The following KCNQ1 variants were observed in gnomAD, a reference collection of about 807,000 sequenced individuals.
KCNQ1 encodes the protein potassium voltage-gated channel subfamily KQT member 1.
KCNQ1 carries 49 observed loss-of-function variants against 72.4 expected under a neutral mutation model. That is an observed-to-expected ratio of 0.68 (90% CI 0.54 to 0.86). KCNQ1 has a LOEUF of 0.86. Ranked by LOEUF, KCNQ1 falls within the 40% of genes least tolerant of loss-of-function variation. KCNQ1 has a pLI of 0.00. For missense variants in KCNQ1, 790 were observed against 945.1 expected (o/e 0.84, Z 2.15); for synonymous variants, 450 against 412.6 (o/e 1.09, Z -1.10).
intron 12 of KCNQ1, among the ~76,000 whole-genome samples, chr11:2,774,301 C>T (rs1314946444): frequency 1.3e-5 from 2 of 152,232 alleles, no homozygotes; most frequent in East Asian, 3.8e-4. Context: ...CTGCCTCTAT[C>T]ACAGTTCTTG....
Position 2,463,388 on chromosome 11 carries a change from G to T in KCNQ1, c.386+17904G>T, listed in dbSNP as rs1194413282. On this transcript the variant is annotated intron_variant, in intron 1 of 15. Coordinates refer to ENST00000155840, the MANE Select transcript of KCNQ1 (RefSeq NM_000218.3). This position sits in a 1 kb window ranked among gnomAD's most constrained non-coding sequence, Gnocchi z 7.0. ...AGATCGGCGGCTGCTCAAGGAGCCT[G>T]GTACAGCTGCACGGAGGCGCAGCAC... Among the ~76,000 whole-genome samples, 1 of 152,174 alleles carries T rather than the reference G, an allele frequency of 6.6e-6. No homozygotes were observed. Among genetic ancestry groups the T allele is most frequent in the Non-Finnish European group, 1.5e-5 (1 of 68,010 alleles).
intron 10 of KCNQ1, chr11:2,631,619 T>G (rs1201952585): frequency 2.5e-6 from 1 of 398,500 alleles, no homozygotes; most frequent in Non-Finnish European, 4.4e-6. Context: ...ATTTCTCAGG[T>G]GGGTGCTATG....
rs1295303129 is a variant in KCNQ1, at chr11:2,603,873, T to C, written c.1393+15019T>C. On this transcript the variant is annotated intron_variant, in intron 10 of 15. Transcript: ENST00000155840. This position sits in a 1 kb window ranked among gnomAD's most constrained non-coding sequence, Gnocchi z 4.1. ...GCCCGGCTAATTTTTGTATTTTTAG[T>C]AGTGACGGGGTTTCGCCATGTTAGC... 6.6e-6 allele frequency among the ~76,000 whole-genome samples: 1 copy of C among 152,040 alleles called. No homozygotes were observed. Among genetic ancestry groups the C allele is most frequent in the African/African-American group, 2.4e-5 (1 of 41,434 alleles).
intron 10 of KCNQ1, chr11:2,629,034 A>G (rs1472225698): frequency 2.5e-6 from 1 of 398,020 alleles, no homozygotes; most frequent in African/African-American, 2.1e-5. Flanking sequence ...AATATCTTTC[A>G]CTTTGTTCTT....
chr11:2,646,404 G>T (rs1023555961), intron 10 of KCNQ1: 3 of 398,492 alleles, frequency 7.5e-6, no homozygotes, highest in Non-Finnish European at 1.3e-5. Context: ...AGTTTTCATT[G>T]TGGAAATCTT....
chr11:2,511,066 T>C (rs1847191704), intron 1 of KCNQ1, among the ~76,000 whole-genome samples: 1 of 152,160 alleles, frequency 6.6e-6, no homozygotes, highest in African/African-American at 2.4e-5. Context: ...TACGGTTTAT[T>C]TTCTCTCTCC....
chr11:2,799,715 C>T (rs368115130), intron 15 of KCNQ1, among the ~76,000 whole-genome samples: 1 of 152,180 alleles, frequency 6.6e-6, no homozygotes, highest in African/African-American at 2.4e-5. Flanking sequence ...AAATACCCTC[C>T]TCTGCATTTT....
intron 1 of KCNQ1, 116 bp downstream of exon 1, chr11:2,445,600 G>C: frequency 8.2e-7 from 1 of 1,214,724 alleles, no homozygotes; most frequent in Non-Finnish European, 1.2e-6. Context: ...AGCAGAGGAG[G>C]GAAGGAAGTG....
At chr11:2,585,487 G>A (rs2133755164) in intron 8 of KCNQ1, among the ~76,000 whole-genome samples, 180 bp downstream of exon 8, 1 of 152,372 alleles carries the variant, frequency 6.6e-6, no homozygotes, top group African/African-American at 2.4e-5. Context: ...ACGGGGCATT[G>A]GAGCCTGTCT....
At position 2,708,717 on chromosome 11, in the gene KCNQ1, G is replaced by C. The variant is rs7925578; in HGVS notation, c.1514+46636G>C. Among the ~76,000 whole-genome samples the C allele has an allele frequency of 2.6e-5, 4 of 151,792 alleles. No individual in the cohort carries two copies. In the East Asian group the frequency reaches 5.9e-4, roughly 22 times the overall value. ...AAGATACAGTTTATACGCGGGTTGC[G>C]GGGGGCGGTCCATTTCCATCTCCCT... On this transcript the variant is annotated intron_variant, in intron 11 of 15. Transcript: ENST00000155840.
intron 10 of KCNQ1, among the ~76,000 whole-genome samples, chr11:2,606,892 A>ATTTTTTTT (rs869121696): frequency 1.2e-5 from 1 of 82,766 alleles, no homozygotes; most frequent in African/African-American, 5.3e-5. Flanking sequence ...ATTATCTGTG[A>ATTTTTTTT]TTTTTTTTTT....
intron 10 of KCNQ1, chr11:2,660,659 A>G (rs1330845844): frequency 1.5e-5 from 6 of 398,514 alleles, no homozygotes; most frequent in Non-Finnish European, 2.7e-5. Context: ...GCAATGCCTC[A>G]GTTTTCATCC....
At chr11:2,514,868 T>G (rs1219112051) in intron 1 of KCNQ1, among the ~76,000 whole-genome samples, 2 of 152,102 alleles carry the variant, frequency 1.3e-5, no homozygotes, top group African/African-American at 2.4e-5. Context: ...CTTTCCCAAG[T>G]AGGGATGAAC....
At position 2,599,746 on chromosome 11, in the gene KCNQ1, C is replaced by T. The variant is rs1848775263; in HGVS notation, c.1393+10892C>T. Among the ~76,000 whole-genome samples the T allele has an allele frequency of 6.6e-6, 1 of 152,178 alleles. No homozygotes were observed. The highest frequency in any genetic ancestry group is 6.5e-5 in the Admixed American group (1 of 15,286). On this transcript the variant is annotated intron_variant, in intron 10 of 15. Coordinates refer to ENST00000155840, the MANE Select transcript of KCNQ1 (RefSeq NM_000218.3). The surrounding 1 kb of genome is among the most constrained non-coding windows in gnomAD (Gnocchi z 4.7). The stretch of plus-strand genomic sequence containing the variant: ...ATGACCATTGCTCTGGGCACTTGCA[C>T]CCTGGTGTTTCTCTGTGTGTCCAAA...
chr11:2,684,010 C>T (rs963137856), intron 11 of KCNQ1: 19 of 398,004 alleles, frequency 4.8e-5, no homozygotes, highest in Non-Finnish European at 7.1e-5. Context: ...TCCGTCTCTC[C>T]TTAGTCAACA....
At chr11:2,821,206 G>A (rs2134054373) in intron 15 of KCNQ1, among the ~76,000 whole-genome samples, 1 of 152,360 alleles carries the variant, frequency 6.6e-6, no homozygotes, top group African/African-American at 2.4e-5. Context: ...GGACACCGAA[G>A]CCTGGTGCTC....
At chr11:2,575,108 C>A (rs934162588) in intron 6 of KCNQ1, among the ~76,000 whole-genome samples, 2 of 152,208 alleles carry the variant, frequency 1.3e-5, no homozygotes, top group Non-Finnish European at 2.9e-5. Flanking sequence ...TTCGCTGCTG[C>A]CCTGCCTGCC....
chr11:2,686,233 T>C, intron 11 of KCNQ1: 2 of 398,780 alleles, frequency 5.0e-6, no homozygotes, highest in Non-Finnish European at 8.8e-6. Context: ...CCTTTAGGCC[T>C]TGGGATAGCA....
chr11:2,833,742 G>C (rs925990436), intron 15 of KCNQ1, among the ~76,000 whole-genome samples: 3 of 152,250 alleles, frequency 2.0e-5, no homozygotes, highest in African/African-American at 7.2e-5. Flanking sequence ...CCAGCAGCAG[G>C]AACTGGGGCA....
Sources: gnomAD v4.1 joint callset for allele counts (sites outside exome capture counted in the v4.1 genomes callset) on GRCh38, gnomAD v4.1.1 for gene constraint, Gnocchi (gnomAD v3.1) non-coding constraint, MANE v1.5 for transcripts, NCBI Gene and HGNC (gene_info 2026-07-23, HGNC 2026-07-21) for gene names.